The following ALDH1L1 variants were observed in gnomAD, a reference collection of about 807,000 sequenced individuals.
ALDH1L1 encodes the protein cytosolic 10-formyltetrahydrofolate dehydrogenase.
ALDH1L1 carries 68 observed loss-of-function variants against 101.1 expected under a neutral mutation model. The ratio of observed to expected loss-of-function variants is 0.67; its 90% CI spans 0.55 to 0.82. The LOEUF (loss-of-function observed/expected upper bound fraction) is 0.82. Among genes scored for constraint, ALDH1L1 ranks in the 40% least tolerant of loss-of-function variants. ALDH1L1 has a pLI of 0.00. For missense variants in ALDH1L1, 1,087 were observed against 1,172.7 expected (o/e 0.93, Z 1.07); for synonymous variants, 486 against 470.8 (o/e 1.03, Z -0.42).
intron 17 of ALDH1L1, among the ~76,000 whole-genome samples, chr3:126,116,699 G>A (rs774104607): frequency 1.3e-5 from 2 of 152,250 alleles, no homozygotes; most frequent in Non-Finnish European, 2.9e-5. Context: ...CAGAAGTTCA[G>A]TGTCAGGGCT....
intron 20 of ALDH1L1, among the ~76,000 whole-genome samples, chr3:126,108,462 G>C (rs2108172475): frequency 6.6e-6 from 1 of 152,328 alleles, no homozygotes; most frequent in Middle Eastern, 3.4e-3. Context: ...CCATCACACT[G>C]TCTTCCACCA....
chr3:126,190,026 G>A (rs1407651247), intron 1 of ALDH1L1, among the ~76,000 whole-genome samples: 1 of 152,192 alleles, frequency 6.6e-6, no homozygotes, highest in Non-Finnish European at 1.5e-5. Context: ...AGTTTGTCCA[G>A]TAACATAGAT....
chr3:126,192,607 G>A (rs185819519), intron 1 of ALDH1L1, among the ~76,000 whole-genome samples: 130 of 152,318 alleles, frequency 8.5e-4, no homozygotes, highest in Non-Finnish European at 1.6e-3. Flanking sequence ...TAGCAGATAA[G>A]TCTTGCCCTA....
rs909382918 is a variant in ALDH1L1 at position 126,112,888 on chromosome 3, G to A, written c.2083-8C>T. 2 of 1,611,994 alleles carry A rather than the reference G, an allele frequency of 1.2e-6. No individual in the cohort carries two copies. Among genetic ancestry groups the A allele is most frequent in the Non-Finnish European group, 1.7e-6 (2 of 1,179,544 alleles). On this transcript the variant is annotated splice_polypyrimidine_tract_variant and splice_region_variant and intron_variant, in intron 18 of 22. Transcript: ENST00000393434. The stretch of plus-strand genomic sequence containing the variant: ...GAAAACAGAACTCATCCCCTTCAGA[G>A]AATGGACAAGAACACCAGGTCACTG...
At chr3:126,182,465 T>G (rs1361732846), upstream of ALDH1L1, among the ~76,000 whole-genome samples, 1 of 152,162 alleles carries the variant, frequency 6.6e-6, no homozygotes, top group Non-Finnish European at 1.5e-5. Flanking sequence ...CAACTGCAAT[T>G]TTATCACTGC....
chr3:126,119,719 C>CAA (rs2080041825), intron 16 of ALDH1L1, among the ~76,000 whole-genome samples: 1 of 152,110 alleles, frequency 6.6e-6, no homozygotes, highest in Non-Finnish European at 1.5e-5. Context: ...AAAACGTTTG[C>CAA]AAAAGATATA....
At chr3:126,175,108 T>G (rs924121576) in intron 1 of ALDH1L1, among the ~76,000 whole-genome samples, 4 of 152,070 alleles carry the variant, frequency 2.6e-5, no homozygotes, top group African/African-American at 9.7e-5. Flanking sequence ...AAAATACTAG[T>G]ATGAACAACT....
chr3:126,110,356 C>T lies in ALDH1L1; in HGVS notation c.2182-247G>A, dbSNP rs73859016. Reference sequence around the variant, plus strand: ...GCAACATATGGGCTGGAAATGGAGACATACAGGGGTGTGGGTGAGGAGGAC... The same window carrying T: ...GCAACATATGGGCTGGAAATGGAGATATACAGGGGTGTGGGTGAGGAGGAC... On this transcript the variant is annotated intron_variant, in intron 19 of 22. Coordinates refer to ENST00000393434, the MANE Select transcript of ALDH1L1 (RefSeq NM_012190.4). The T allele has an allele frequency of 2.1e-3, 1,161 of 557,272 alleles. 13 individuals are homozygous for T. The highest frequency in any genetic ancestry group is 0.019 in the African/African-American group (1,014 of 53,188). The allele number at this position is 557,272 out of a possible 1,614,324, so 34.5% of individuals were successfully genotyped here.
intron 16 of ALDH1L1, among the ~76,000 whole-genome samples, chr3:126,123,680 G>C (rs2080123842): frequency 6.7e-6 from 1 of 149,702 alleles, no homozygotes; most frequent in Admixed American, 6.6e-5. Context: ...ACACACAAGG[G>C]AATAATAAAA....
At chr3:126,157,567 G>T (rs964632807) in intron 3 of ALDH1L1, 59 bp from the exon 4 acceptor site, 17 of 1,580,000 alleles carry the variant, frequency 1.1e-5, no homozygotes, top group Non-Finnish European at 5.2e-6. Flanking sequence ...AGGATGTCCT[G>T]GGTACAGGCC....
intron 13 of ALDH1L1, among the ~76,000 whole-genome samples, 187 bp downstream of exon 13, chr3:126,131,197 G>T (rs1271061740): frequency 4.6e-5 from 7 of 152,232 alleles, no homozygotes; most frequent in African/African-American, 1.7e-4. Context: ...CCTTGGCATG[G>T]AACCCAGCCC....
At chr3:126,150,308 G>C in intron 8 of ALDH1L1, 98 bp downstream of exon 8, 2 of 1,477,894 alleles carry the variant, frequency 1.4e-6, no homozygotes, top group South Asian at 1.4e-5. Context: ...CACCCACAGA[G>C]GGCTGGCGCT....
chr3:126,131,325 C>A, intron 13 of ALDH1L1, 59 bp downstream of exon 13: 1 of 1,497,162 alleles, frequency 6.7e-7, no homozygotes, highest in Non-Finnish European at 9.0e-7. Context: ...CCTTGGAGTT[C>A]TCCTATATGG....
rs760039379 is a variant in ALDH1L1 at position 126,135,591 on chromosome 3, A to T, written c.1416T>A (p.Phe472Leu). The T allele has an allele frequency of 4.4e-6, 7 of 1,599,934 alleles. No individual in the cohort carries two copies. Among genetic ancestry groups the T allele is most frequent in the Non-Finnish European group, 6.0e-6 (7 of 1,173,668 alleles). The change falls in exon 12 of 23, where the codon TTT becomes TTA. Residue 472 changes from phenylalanine (F) to leucine (L), a missense_variant. Physicochemically the swap from Phe to Leu is conservative, Grantham distance 22. Around this residue, in one of 2 missense-constraint regions of ALDH1L1, gnomAD observed 645 missense variants for 637.0 expected, o/e 1.01. Transcript: ENST00000393434. ...DKAVAAAKDA[F>L]ENGRWGKISA... is the part of the protein sequence containing the mutation. Reference sequence around the variant, plus strand: ...TGATCTTCCCCCACCGTCCATTCTCAAAGGCATCCTTGGCTGCGGCCACTG... The same window carrying T: ...TGATCTTCCCCCACCGTCCATTCTCTAAGGCATCCTTGGCTGCGGCCACTG...
intron 1 of ALDH1L1, among the ~76,000 whole-genome samples, chr3:126,192,081 C>T (rs193191090): frequency 6.6e-6 from 1 of 152,318 alleles, no homozygotes; most frequent in Admixed American, 6.5e-5. Flanking sequence ...GGGCTTATGA[C>T]TGTGAGCCAT....
chr3:126,139,951 C>G (rs1046153947), intron 9 of ALDH1L1, among the ~76,000 whole-genome samples: 5 of 151,940 alleles, frequency 3.3e-5, no homozygotes, highest in Admixed American at 3.3e-4. Context: ...CACAGGAGCT[C>G]CAGAGGAAAA....
At chr3:126,134,530 T>C (rs2080383448) in intron 12 of ALDH1L1, among the ~76,000 whole-genome samples, 1 of 152,236 alleles carries the variant, frequency 6.6e-6, no homozygotes, top group African/African-American at 2.4e-5. Context: ...CGAAGGGGAC[T>C]GGAACCTATG....
At chr3:126,132,758 A>G (rs1209292605) in intron 12 of ALDH1L1, among the ~76,000 whole-genome samples, 2 of 151,878 alleles carry the variant, frequency 1.3e-5, no homozygotes, top group Admixed American at 1.3e-4. Context: ...CCACCACTAC[A>G]GTTTGTAACA....
chr3:126,154,493 T>C (rs767735919), intron 6 of ALDH1L1, 61 bp downstream of exon 6: 10 of 1,524,438 alleles, frequency 6.6e-6, no homozygotes, highest in African/African-American at 1.4e-5. Flanking sequence ...TGTGTGACAG[T>C]TTAATGGCCA....
Sources: gnomAD v4.1 joint callset for allele counts (sites outside exome capture counted in the v4.1 genomes callset) on GRCh38, gnomAD v4.1.1 for gene constraint, gnomAD v4.1.1 regional missense constraint, MANE v1.5 for transcripts, NCBI Gene and HGNC (gene_info 2026-07-23, HGNC 2026-07-21) for gene names.